The following SGSM3 variants were observed in gnomAD, a reference collection of about 807,000 sequenced individuals.
SGSM3 encodes RUN and SH3 containing 3.
In SGSM3, 96 loss-of-function variants were observed where a neutral mutation model predicts 100.5. That is an observed-to-expected ratio of 0.96 (90% CI 0.81 to 1.13). The LOEUF is 1.13. SGSM3 is among the 50% of genes most tolerant of loss of function. The pLI is 0.00. For missense variants in SGSM3, 1,001 were observed against 1,015.8 expected (o/e 0.99, Z 0.20); for synonymous variants, 483 against 422.8 (o/e 1.14, Z -1.75).
rs1397431179 is a variant in SGSM3, at chr22:40,400,759, A to G, written c.-48A>G. ...TCCAGCTCTAAGATAGCAGGATAGGAGACTTCTAAGATTGGAGCTGCAGAA... is the reference window on the plus strand; with the variant it reads ...TCCAGCTCTAAGATAGCAGGATAGGGGACTTCTAAGATTGGAGCTGCAGAA... On this transcript the variant is annotated 5_prime_UTR_variant, in exon 2 of 22. Transcript: ENST00000248929. 1 of 1,549,754 alleles carries G rather than the reference A, an allele frequency of 6.5e-7. No individual in the cohort carries two copies. The highest frequency in any genetic ancestry group is 2.4e-5 in the East Asian group (1 of 41,004).
chr22:40,408,311 G>C lies in SGSM3; in HGVS notation c.1664G>C (p.Gly555Ala), dbSNP rs762211613. 2.5e-6 allele frequency: 4 copies of C among 1,613,438 alleles called. No individual in the cohort carries two copies. The South Asian group carries it at 3.3e-5, about 13-fold the overall frequency. Residue 555 changes from glycine to alanine, a missense_variant, in exon 16 of 22, where the codon GGG becomes GCG. By Grantham distance (60) the Gly-to-Ala change is moderately conservative. Transcript: ENST00000248929. ...GCGGGGGATGACTCGGTGACGGAGGGGGTCACAGACCTCGTGCGAGGGACC... is the reference window on the plus strand; with the variant it reads ...GCGGGGGATGACTCGGTGACGGAGGCGGTCACAGACCTCGTGCGAGGGACC... Reference protein sequence around the residue: ...SIAGDDSVTEGVTDLVRGTLC... With the variant: ...SIAGDDSVTEAVTDLVRGTLC...
intron 4 of SGSM3, among the ~76,000 whole-genome samples, chr22:40,402,695 C>T (rs747202608): frequency 3.3e-5 from 5 of 152,180 alleles, no homozygotes; most frequent in South Asian, 2.1e-4. Context: ...GCTGAGACTG[C>T]GCCACTGCAC....
Position 40,407,765 on chromosome 22 carries a change from C to T in SGSM3, c.1525-24C>T. 7 of 1,613,952 alleles carry T rather than the reference C, an allele frequency of 4.3e-6. No individual in the cohort carries two copies. The highest frequency in any genetic ancestry group is 5.9e-6 in the Non-Finnish European group (7 of 1,179,922). On this transcript the variant is annotated intron_variant, in intron 13 of 21. Coordinates refer to ENST00000248929, the MANE Select transcript of SGSM3 (RefSeq NM_015705.6). The surrounding 1 kb of genome is among the most constrained non-coding windows in gnomAD (Gnocchi z 4.7). The stretch of plus-strand genomic sequence containing the variant: ...TGGCCCAGGGCACCCAGCTTTGGTT[C>T]CTGCTGTTTTTCCTCCTGTGCAGAT...
At chr22:40,406,734 C>A in intron 10 of SGSM3, 72 bp downstream of exon 10, 1 of 1,318,462 alleles carries the variant, frequency 7.6e-7, no homozygotes, top group Non-Finnish European at 1.1e-6. Flanking sequence ...AAGTTCAGAG[C>A]GCGGGGGCTG....
At position 40,409,582 on chromosome 22, in the gene SGSM3, G is replaced by A. The variant is rs555366829; in HGVS notation, c.2172+57G>A. The A allele has an allele frequency of 1.8e-4, 285 of 1,613,186 alleles. No individual in the cohort carries two copies. The South Asian group carries it at 2.2e-3, about 12-fold the overall frequency. ...TGATGGAGCTGCCCAAACCGTTCGC[G>A]GGGTGGCTAAGGTGGGAACCCGAAG... is the stretch of plus-strand genomic sequence containing the variant. On this transcript the variant is annotated intron_variant, in intron 21 of 21. Coordinates refer to ENST00000248929, the MANE Select transcript of SGSM3 (RefSeq NM_015705.6).
At chr22:40,401,729 G>A in intron 3 of SGSM3, 54 bp downstream of exon 3, 1 of 1,495,774 alleles carries the variant, frequency 6.7e-7, no homozygotes, top group Non-Finnish European at 9.3e-7. Flanking sequence ...GTGGTATGAA[G>A]GGGACCCAGC....
chr22:40,400,703 GATTCTGGACCA>G lies in SGSM3; in HGVS notation c.-103_-93del. On this transcript the variant is annotated 5_prime_UTR_variant, in exon 2 of 22. It introduces an in-frame stop codon into an upstream open reading frame of the 5' UTR. Transcript: ENST00000248929. ...TCTTTTCTCTTCTAACAGGGCAGAT[GATTCTGGACCA>G]GATGAAGCCTGAGGAGCCTTCCAGC... 2.7e-6 allele frequency: 3 copies of G among 1,117,332 alleles called. No homozygotes were observed. The highest frequency in any genetic ancestry group is 3.9e-6 in the Non-Finnish European group (3 of 759,610). The allele number at this position is 1,117,332 out of a possible 1,614,324, so 69.2% of individuals were successfully genotyped here. A position where few individuals can be genotyped will look rare whatever the true frequency, so the allele number is the denominator to read the frequency against.
chr22:40,409,691 C>A lies in SGSM3; in HGVS notation c.2182C>A (p.Pro728Thr), dbSNP rs765548515. The change falls in exon 22 of 22, where the codon CCC (proline) becomes ACC (threonine). Residue 728 changes from proline to threonine, a missense_variant. Pro to Thr is a conservative substitution (Grantham distance 38). Transcript: ENST00000248929. ...GCTGCCCTGTTTGCAGGCGCAGCAG[C>A]CCCTGAAGGAGGGCGTCCGGGACAT... is the stretch of plus-strand genomic sequence containing the variant. ...ELPAKREAQQ[P>T]LKEGVRDMLV... The A allele has an allele frequency of 6.2e-7, 1 of 1,613,396 alleles. No individual in the cohort carries two copies. Among genetic ancestry groups the A allele is most frequent in the Admixed American group, 1.7e-5 (1 of 60,006 alleles).
intron 1 of SGSM3, among the ~76,000 whole-genome samples, chr22:40,398,082 C>G (rs183789925): frequency 6.6e-6 from 1 of 151,674 alleles, no homozygotes; most frequent in African/African-American, 2.4e-5. Flanking sequence ...ATTCTCCTGC[C>G]TCGGCCTCCC....
intron 19 of SGSM3, 78 bp downstream of exon 19, chr22:40,409,096 G>T (rs960856634): frequency 1.3e-6 from 2 of 1,552,230 alleles, no homozygotes; most frequent in African/African-American, 1.4e-5. Context: ...TCCTTACAGG[G>T]AACCCTAAAG....
intron 10 of SGSM3, 111 bp downstream of exon 10, chr22:40,406,773 G>GC (rs577116705): frequency 4.9e-5 from 49 of 999,910 alleles, no homozygotes; most frequent in South Asian, 4.8e-4. Flanking sequence ...TTCCTGCTCT[G>GC]CCCCCCAGCC....
chr22:40,406,493 A>C lies in SGSM3; in HGVS notation c.1016A>C (p.Asp339Ala). The change falls in exon 10 of 22, where the codon GAT (aspartate) becomes GCT (alanine). Residue 339 changes from aspartate (D) to alanine (A), a missense_variant. Transcript: ENST00000248929. ...GCCTCCATCTTCAACACGCTATCGG[A>C]TATCCCGTCGCAGATGGAGGACGCG... ...NSASIFNTLS[D>A]IPSQMEDAEL... 1.2e-6 allele frequency: 2 copies of C among 1,610,886 alleles called. No homozygotes were observed. The highest frequency in any genetic ancestry group is 1.7e-6 in the Non-Finnish European group (2 of 1,178,538).
Position 40,405,280 on chromosome 22 carries a change from G to T in SGSM3, c.614G>T (p.Gly205Val). Residue 205 changes from glycine to valine, a missense_variant, in exon 7 of 22, where the codon GGC becomes GTC. Physicochemically the swap from Gly to Val is moderately radical, Grantham distance 109. Transcript: ENST00000248929. Reference protein sequence around the residue: ...YPEIGYCQGTGMVAACLLLFL... With the variant: ...YPEIGYCQGTVMVAACLLLFL... The stretch of plus-strand genomic sequence containing the variant: ...GAGATCGGCTACTGCCAGGGCACCG[G>T]CATGGTGAGCACAGCCCCAGAAAGG... The T allele has an allele frequency of 6.6e-7, 1 of 1,505,148 alleles. No individual in the cohort carries two copies. Among genetic ancestry groups the T allele is most frequent in the Non-Finnish European group, 8.9e-7 (1 of 1,125,734 alleles). 93.2% of individuals were successfully genotyped at this position (1,505,148 alleles called of 1,614,324 possible).
Position 40,410,149 on chromosome 22 carries a change from T to A in SGSM3, c.*390T>A. ...CTGTGCAGCTAGGGCTGCAGAGCTG[T>A]ATTCAGGTCCAAGGTTCTGCCCTTC... On this transcript the variant is annotated 3_prime_UTR_variant, in exon 22 of 22. Transcript: ENST00000248929. 5.4e-6 allele frequency: 6 copies of A among 1,107,858 alleles called. No individual in the cohort carries two copies. The highest frequency in any genetic ancestry group is 6.6e-6 in the Non-Finnish European group (6 of 908,618). The allele number at this position is 1,107,858 out of a possible 1,614,324, so 68.6% of individuals were successfully genotyped here.
chr22:40,397,163 G>T (rs9611330), intron 1 of SGSM3, among the ~76,000 whole-genome samples: 1 of 152,092 alleles, frequency 6.6e-6, no homozygotes, highest in African/African-American at 2.4e-5. Context: ...ATTCACATCC[G>T]GCTGGGCTTT....
chr22:40,377,845 CA>C (rs35941683), intron 1 of SGSM3, among the ~76,000 whole-genome samples: 3,570 of 61,548 alleles, frequency 0.058, 83 homozygotes, highest in Admixed American at 0.13. Flanking sequence ...GACCCTGTCT[CA>C]AAAAAAAAAA....
rs1601973712 is a variant in SGSM3, at chr22:40,397,658, C to T, written c.-111-3038C>T. On this transcript the variant is annotated intron_variant, in intron 1 of 21. Coordinates refer to ENST00000248929, the MANE Select transcript of SGSM3 (RefSeq NM_015705.6). Reference sequence around the variant, plus strand: ...TCTTCTCCCACCATTCAGGCTGTTTCCTCCCACTCTTTCCTTCTCATTCCC... The same window carrying T: ...TCTTCTCCCACCATTCAGGCTGTTTTCTCCCACTCTTTCCTTCTCATTCCC... Among the ~76,000 whole-genome samples, 4 of 152,246 alleles carry T rather than the reference C, an allele frequency of 2.6e-5. No individual in the cohort carries two copies. In the South Asian group the frequency reaches 8.3e-4, roughly 32 times the overall value.
chr22:40,401,817 A>G (rs2050795331), intron 3 of SGSM3, 142 bp downstream of exon 3: 1 of 710,326 alleles, frequency 1.4e-6, no homozygotes, highest in Admixed American at 2.1e-5. Context: ...TCTTAGCCCC[A>G]TGTTTCCTGT....
Position 40,378,589 on chromosome 22 carries a change from C to T in SGSM3, c.-112+7901C>T, listed in dbSNP as rs548408806. 2.6e-5 allele frequency among the ~76,000 whole-genome samples: 4 copies of T among 151,032 alleles called. No homozygotes were observed. In the South Asian group the frequency reaches 6.3e-4, roughly 24 times the overall value. On this transcript the variant is annotated intron_variant, in intron 1 of 21. Coordinates refer to ENST00000248929, the MANE Select transcript of SGSM3 (RefSeq NM_015705.6). ...ACTACCAAAAATACAAAAAATTAGC[C>T]GGGTGTGGTGGCGCATGCCTGTAAT... is the stretch of plus-strand genomic sequence containing the variant.
Sources: gnomAD v4.1 joint callset for allele counts (sites outside exome capture counted in the v4.1 genomes callset) on GRCh38, gnomAD v4.1.1 for gene constraint, Gnocchi (gnomAD v3.1) non-coding constraint, MANE v1.5 for transcripts, NCBI Gene and HGNC (gene_info 2026-07-23, HGNC 2026-07-21) for gene names.